PTPN3: variants seen among roughly 807,000 people sequenced by gnomAD.
PTPN3 encodes the protein protein tyrosine phosphatase non-receptor type 3, also known as tyrosine-protein phosphatase non-receptor type 3.
Under a neutral mutation model 132.7 loss-of-function variants are expected in PTPN3, and 96 were observed. That is an observed-to-expected ratio of 0.72 (90% CI 0.61 to 0.86). The LOEUF is 0.86. PTPN3 is among the 40% of genes least tolerant of loss of function. The probability of loss-of-function intolerance (pLI) is 0.00; values close to 1 mark genes in which losing one functional copy is unlikely to be tolerated. For synonymous variants in PTPN3, 398 were observed against 429.0 expected, an observed-to-expected ratio of 0.93 and a Z score of 0.89; for missense variants, 1,125 against 1,159.6, an observed-to-expected ratio of 0.97 and a Z score of 0.43.
rs1838671306 is a variant in PTPN3, at chr9:109,377,453, C to CACACACACACACAG, written c.*2102_*2103insCTGTGTGTGTGTGT. ...ACACACACACACACACACACACACACACACAAGCCAGGTGAGGTGGCATGT... is the reference window on the plus strand; with the variant it reads ...ACACACACACACACACACACACACACACACACACACACAGACACAAGCCAGGTGAGGTGGCATGT... On this transcript the variant is annotated 3_prime_UTR_variant, in exon 26 of 26. Coordinates refer to ENST00000374541, the MANE Select transcript of PTPN3 (RefSeq NM_002829.4). The CACACACACACACAG allele has an allele frequency of 7.8e-6, 1 of 128,358 alleles. No homozygotes were observed. Among genetic ancestry groups the CACACACACACACAG allele is most frequent in the African/African-American group, 3.0e-5 (1 of 33,042 alleles). The allele number at this position is 128,358 out of a possible 1,614,324, so 8.0% of individuals were successfully genotyped here. A position where few individuals can be genotyped will look rare whatever the true frequency, so the allele number is the denominator to read the frequency against.
Position 109,426,996 on chromosome 9 carries a change from T to C in PTPN3, c.955A>G (p.Asn319Asp). The C allele has an allele frequency of 1.9e-6, 3 of 1,613,926 alleles. No homozygotes were observed. Among genetic ancestry groups the C allele is most frequent in the Non-Finnish European group, 2.5e-6 (3 of 1,179,792 alleles). ...QAKKLLPQEKNVLSQYWTMGS... is the reference protein window; with the variant it reads ...QAKKLLPQEKDVLSQYWTMGS... ...ATAGTCCAGTACTGAGACAGAACAT[T>C]CTTTTCCTGAGGTAGTAGCTTCTTT... Residue 319 changes from asparagine to aspartate, a missense_variant, in exon 12 of 26, where the codon AAT (asparagine) becomes GAT (aspartate). By Grantham distance (23) the Asn-to-Asp change is conservative. Coordinates refer to ENST00000374541, the MANE Select transcript of PTPN3 (RefSeq NM_002829.4).
intron 14 of PTPN3, among the ~76,000 whole-genome samples, chr9:109,418,548 G>A (rs1006390999): frequency 6.6e-6 from 1 of 152,144 alleles, no homozygotes; most frequent in Non-Finnish European, 1.5e-5. Flanking sequence ...TGCACTTTTC[G>A]CTTGTAGATA....
intron 25 of PTPN3, 74 bp downstream of exon 25, chr9:109,381,578 G>T: frequency 6.4e-7 from 1 of 1,563,990 alleles, no homozygotes. Context: ...GACTCACAAA[G>T]CCCTTCTCTC....
intron 12 of PTPN3, among the ~76,000 whole-genome samples, chr9:109,424,479 C>T (rs985162225): frequency 1.3e-5 from 2 of 152,268 alleles, no homozygotes; most frequent in Non-Finnish European, 2.9e-5. Flanking sequence ...TGGCTTGTGA[C>T]TGCTTTCAGC....
intron 2 of PTPN3, 103 bp from the exon 3 acceptor site, chr9:109,457,502 T>G: frequency 1.2e-6 from 1 of 840,494 alleles, no homozygotes. Flanking sequence ...AGAAATGCTA[T>G]GCACACACAC....
At chr9:109,525,210 C>T in the PTPN3 span, among the ~76,000 whole-genome samples, 5 of 152,096 alleles carry the variant, frequency 3.3e-5, no homozygotes, top group East Asian at 7.7e-4. Context: ...TGTACCACCA[C>T]ACCCAGATAA....
At chr9:109,493,768 TC>T (rs1377619999) in intron 1 of PTPN3, among the ~76,000 whole-genome samples, 1 of 152,118 alleles carries the variant, frequency 6.6e-6, no homozygotes, top group East Asian at 1.9e-4. Flanking sequence ...CTGGGCTGTT[TC>T]CCGGCACATC....
chr9:109,467,367 C>T (rs1389228208), intron 1 of PTPN3, among the ~76,000 whole-genome samples: 3 of 152,030 alleles, frequency 2.0e-5, no homozygotes, highest in East Asian at 3.9e-4. Context: ...CTGCCTGTCC[C>T]CGCACCCCCA....
intron 19 of PTPN3, among the ~76,000 whole-genome samples, chr9:109,395,630 T>C (rs1270200401): frequency 1.3e-5 from 2 of 151,838 alleles, no homozygotes; most frequent in East Asian, 1.9e-4. Context: ...CTACTAAAAA[T>C]ATAAAAATTA....
At chr9:109,489,602 A>C (rs1847366098) in intron 1 of PTPN3, among the ~76,000 whole-genome samples, 1 of 152,048 alleles carries the variant, frequency 6.6e-6, no homozygotes, top group Admixed American at 6.6e-5. Flanking sequence ...TGGGATGATA[A>C]ATTCTAGTTG....
intron 19 of PTPN3, among the ~76,000 whole-genome samples, chr9:109,394,923 A>G (rs1490174665): frequency 1.3e-5 from 2 of 151,710 alleles, no homozygotes; most frequent in Non-Finnish European, 2.9e-5. Flanking sequence ...GCAGATCACG[A>G]GGTCAGGAGA....
chr9:109,517,266 G>A, the PTPN3 span, among the ~76,000 whole-genome samples: 1 of 152,142 alleles, frequency 6.6e-6, no homozygotes, highest in African/African-American at 2.4e-5. Context: ...ACTCTCCACA[G>A]GGCTTGGAAG....
chr9:109,486,822 G>A (rs567031347), intron 1 of PTPN3, among the ~76,000 whole-genome samples: 2 of 152,236 alleles, frequency 1.3e-5, no homozygotes, highest in East Asian at 3.9e-4. Flanking sequence ...CCATGCTGCT[G>A]TTCTTGTGAT....
At chr9:109,386,267 C>T (rs1212072309) in intron 22 of PTPN3, among the ~76,000 whole-genome samples, 1 of 152,156 alleles carries the variant, frequency 6.6e-6, no homozygotes, top group South Asian at 2.1e-4. Context: ...GAACAGGATT[C>T]TAACGATGGA....
intron 6 of PTPN3, among the ~76,000 whole-genome samples, chr9:109,445,927 T>C (rs1195758704): frequency 6.6e-6 from 1 of 152,266 alleles, no homozygotes; most frequent in Non-Finnish European, 1.5e-5. Context: ...CTAGTAATCA[T>C]GGACTTGGGT....
intron 1 of PTPN3, among the ~76,000 whole-genome samples, chr9:109,489,487 G>A (rs1847360184): frequency 6.6e-6 from 1 of 152,086 alleles, no homozygotes; most frequent in South Asian, 2.1e-4. Flanking sequence ...TCTTAAATCC[G>A]GACGTGACCA....
At position 109,427,056 on chromosome 9, in the gene PTPN3, T is replaced by A; in HGVS notation, c.895A>T (p.Lys299Ter). Residue 299 changes from lysine to a stop codon, truncating the protein, a stop_gained, in exon 12 of 26, where the codon AAA becomes TAA. Coordinates refer to ENST00000374541, the MANE Select transcript of PTPN3 (RefSeq NM_002829.4). LOFTEE classifies it high-confidence loss of function. ...AACGTATGGTGCTCAACACAGGATT[T>A]CCACAAGTTTTTGCAAGATCGGTAA... The part of the protein sequence containing the change: ...LNYRSCKNLW[K>*]SCVEHHTFFQ... The A allele has an allele frequency of 6.2e-7, 1 of 1,614,096 alleles. No individual in the cohort carries two copies. The highest frequency in any genetic ancestry group is 8.5e-7 in the Non-Finnish European group (1 of 1,179,932).
chr9:109,520,372 C>A, the PTPN3 span, among the ~76,000 whole-genome samples: 1 of 152,070 alleles, frequency 6.6e-6, no homozygotes, highest in Non-Finnish European at 1.5e-5. Flanking sequence ...TACATCATGG[C>A]TCCCCTACCT....
intron 1 of PTPN3, among the ~76,000 whole-genome samples, chr9:109,490,313 A>T (rs1176439871): frequency 6.6e-6 from 1 of 152,228 alleles, no homozygotes; most frequent in South Asian, 2.1e-4. Flanking sequence ...CCCTCTCCTC[A>T]TTCAACAAAT....
Sources: gnomAD v4.1 joint callset for allele counts (sites outside exome capture counted in the v4.1 genomes callset) on GRCh38, gnomAD v4.1.1 for gene constraint, MANE v1.5 for transcripts, NCBI Gene and HGNC (gene_info 2026-07-23, HGNC 2026-07-21) for gene names.